HDAC9: variants seen among roughly 807,000 people sequenced by gnomAD.
HDAC9 encodes the protein histone deacetylase 9, also known as MEF-2 interacting transcription repressor (MITR) protein.
A neutral mutation model predicts 139.4 loss-of-function variants in HDAC9; 41 were observed. The observed-to-expected ratio is 0.29, with a 90% confidence interval of 0.23 to 0.38. The LOEUF is 0.38. HDAC9 is among the 10% of genes least tolerant of loss of function. The pLI, the probability that HDAC9 is intolerant of heterozygous loss-of-function variation, is 1.00. For missense variants in HDAC9, 1,147 were observed against 1,297.0 expected, an observed-to-expected ratio of 0.88 and a Z score of 1.78; for synonymous variants, 517 against 476.2, an observed-to-expected ratio of 1.09 and a Z score of -1.12.
chr7:18,724,945 G>C (rs558704029), intron 12 of HDAC9, among the ~76,000 whole-genome samples: 9 of 152,154 alleles, frequency 5.9e-5, no homozygotes, highest in Non-Finnish European at 1.2e-4. Context: ...AGGGGAAAGC[G>C]CAATTAATGT....
At chr7:18,343,184 A>G (rs1323483279) in intron 1 of HDAC9, among the ~76,000 whole-genome samples, 1 of 151,830 alleles carries the variant, frequency 6.6e-6, no homozygotes, top group East Asian at 1.9e-4. Flanking sequence ...ATGGGATTTT[A>G]ACATATCTCT....
chr7:18,526,232 A>G (rs1262305415), intron 2 of HDAC9, among the ~76,000 whole-genome samples: 1 of 152,094 alleles, frequency 6.6e-6, no homozygotes, highest in African/African-American at 2.4e-5. Context: ...ACTATTTGAG[A>G]ATTCTTGTGT....
rs537359270 is a variant in HDAC9 at position 18,912,013 on chromosome 7, G to T, written c.2804-23796G>T. ...ATTCTTTAAACGTCTGCTAGGTCTAGTGTAGATTAAATCCAAAGTTTCTGT... is the reference window on the plus strand; with the variant it reads ...ATTCTTTAAACGTCTGCTAGGTCTATTGTAGATTAAATCCAAAGTTTCTGT... On this transcript the variant is annotated intron_variant, in intron 22 of 25. Coordinates refer to ENST00000686413, the MANE Select transcript of HDAC9 (RefSeq NM_178425.4). Among the ~76,000 whole-genome samples, 3 of 152,078 alleles carry T rather than the reference G, an allele frequency of 2.0e-5. No homozygotes were observed. The South Asian group carries it at 6.2e-4, about 32-fold the overall frequency.
At chr7:18,873,533 C>T (rs1485582136) in intron 21 of HDAC9, among the ~76,000 whole-genome samples, 1 of 152,012 alleles carries the variant, frequency 6.6e-6, no homozygotes, top group Non-Finnish European at 1.5e-5. Flanking sequence ...GGAAAACTTA[C>T]CAACATAAAA....
intron 1 of HDAC9, among the ~76,000 whole-genome samples, chr7:18,160,082 G>C (rs980995427): frequency 1.1e-4 from 17 of 152,050 alleles, no homozygotes; most frequent in African/African-American, 3.6e-4. Flanking sequence ...TTGAATTGTT[G>C]GAAATTATTG....
At chr7:18,280,922 T>C (rs1415776485) in intron 2 of HDAC9, among the ~76,000 whole-genome samples, 1 of 152,230 alleles carries the variant, frequency 6.6e-6, no homozygotes, top group Non-Finnish European at 1.5e-5. Context: ...TTTTCTTCTT[T>C]GTTCGCTTAA....
intron 8 of HDAC9, among the ~76,000 whole-genome samples, chr7:18,639,419 T>A (rs1784870080): frequency 1.3e-5 from 2 of 152,200 alleles, no homozygotes; most frequent in South Asian, 4.1e-4. Context: ...ATCAGTGCCT[T>A]TCAAATGCTA....
chr7:18,598,530 C>T (rs1453572235), intron 6 of HDAC9, among the ~76,000 whole-genome samples: 1 of 152,088 alleles, frequency 6.6e-6, no homozygotes, highest in Non-Finnish European at 1.5e-5. Flanking sequence ...CCTCATCTGT[C>T]AAATGAGGAT....
At chr7:18,161,297 G>A (rs1456211088) in intron 1 of HDAC9, among the ~76,000 whole-genome samples, 1 of 152,034 alleles carries the variant, frequency 6.6e-6, no homozygotes. Flanking sequence ...ATTTATATCT[G>A]GCTTTATATA....
chr7:18,673,674 T>A (rs1417595924), intron 12 of HDAC9, among the ~76,000 whole-genome samples: 1 of 152,076 alleles, frequency 6.6e-6, no homozygotes, highest in Non-Finnish European at 1.5e-5. Context: ...CTGCTTTAGA[T>A]CGTCTTCATC....
chr7:18,829,316 C>T (rs561139587), intron 18 of HDAC9, 100 bp downstream of exon 18: 24 of 1,172,246 alleles, frequency 2.0e-5, no homozygotes, highest in Middle Eastern at 2.0e-4. Context: ...AGCAGATGGA[C>T]TGAAAAATCT....
At chr7:18,774,259 G>A (rs896018487) in intron 16 of HDAC9, among the ~76,000 whole-genome samples, 1 of 151,928 alleles carries the variant, frequency 6.6e-6, no homozygotes, top group Admixed American at 6.6e-5. Context: ...TTTCTATGAA[G>A]ACTGATAAGA....
At chr7:18,618,295 A>C (rs1232920082) in intron 6 of HDAC9, among the ~76,000 whole-genome samples, 1 of 152,166 alleles carries the variant, frequency 6.6e-6, no homozygotes, top group East Asian at 1.9e-4. Flanking sequence ...GCGACATTAA[A>C]TATTTTACTC....
At chr7:18,139,818 A>G (rs1452985490) in intron 1 of HDAC9, among the ~76,000 whole-genome samples, 1 of 152,194 alleles carries the variant, frequency 6.6e-6, no homozygotes, top group African/African-American at 2.4e-5. Flanking sequence ...GGAAGAAGGC[A>G]ATGCGATCAT....
intron 13 of HDAC9, among the ~76,000 whole-genome samples, chr7:18,747,671 A>G (rs146591412): frequency 1.1e-4 from 16 of 152,212 alleles, no homozygotes. Flanking sequence ...CCTGAGGATG[A>G]AAATGTGAGA....
Position 18,767,473 on chromosome 7 carries a change from A to G in HDAC9, c.2214+318A>G, listed in dbSNP as rs540935556. Among the ~76,000 whole-genome samples the G allele has an allele frequency of 1.4e-4, 22 of 152,304 alleles. No homozygotes were observed. In the South Asian group the frequency reaches 4.4e-3, roughly 30 times the overall value. On this transcript the variant is annotated intron_variant, in intron 16 of 25. Coordinates refer to ENST00000686413, the MANE Select transcript of HDAC9 (RefSeq NM_178425.4). ...TTGCTAGGCCTTTATATAGCTGGAGAAAAGGTGCTTCAAGAGAGTTTAACA... is the reference window on the plus strand; with the variant it reads ...TTGCTAGGCCTTTATATAGCTGGAGGAAAGGTGCTTCAAGAGAGTTTAACA...
intron 1 of HDAC9, among the ~76,000 whole-genome samples, chr7:18,412,667 TTTATTACA>T (rs768268694): frequency 6.6e-6 from 1 of 152,206 alleles, no homozygotes; most frequent in Non-Finnish European, 1.5e-5. Context: ...GCCTGATCTC[TTTATTACA>T]TGGCAGAAAA....
intron 21 of HDAC9, among the ~76,000 whole-genome samples, chr7:18,867,409 G>A (rs1798576307): frequency 6.6e-6 from 1 of 152,128 alleles, no homozygotes; most frequent in South Asian, 2.1e-4. Context: ...AAGTTATTCG[G>A]AAAGGGAGCA....
At chr7:18,193,951 G>T (rs574281598) in intron 2 of HDAC9, among the ~76,000 whole-genome samples, 1 of 152,190 alleles carries the variant, frequency 6.6e-6, no homozygotes, top group Admixed American at 6.5e-5. Context: ...CTTCTTAATT[G>T]AGTATCGGCC....
Sources: allele counts gnomAD v4.1 joint callset (sites outside exome capture counted in the v4.1 genomes callset), GRCh38; gene constraint gnomAD v4.1.1; transcripts MANE v1.5; gene names NCBI Gene and HGNC (gene_info 2026-07-23, HGNC 2026-07-21).